The following STK33 variants were observed in gnomAD, a reference collection of about 807,000 sequenced individuals.
STK33 encodes serine/threonine-protein kinase 33.
Under a neutral mutation model 58.0 loss-of-function variants are expected in STK33, and 52 were observed. That is an observed-to-expected ratio of 0.90 (90% CI 0.72 to 1.13). STK33 has a LOEUF of 1.13. STK33 is among the 50% of genes most tolerant of loss of function. The pLI is 0.00. For synonymous variants in STK33, 215 were observed against 200.1 expected, an observed-to-expected ratio of 1.07 and a Z score of -0.63; for missense variants, 630 against 604.2, an observed-to-expected ratio of 1.04 and a Z score of -0.45.
At chr11:8,501,859 A>G (rs1451043292) in intron 1 of STK33, among the ~76,000 whole-genome samples, 1 of 152,188 alleles carries the variant, frequency 6.6e-6, no homozygotes, top group Non-Finnish European at 1.5e-5. Context: ...ACAATAGAGT[A>G]TTATTTGGCC....
At chr11:8,371,601 T>C in the STK33 span, among the ~76,000 whole-genome samples, 5 of 151,244 alleles carry the variant, frequency 3.3e-5, no homozygotes, top group Non-Finnish European at 7.4e-5. Flanking sequence ...GACTTTTCCT[T>C]TCTCTTTCTT....
At chr11:8,447,607 C>T (rs1253515564) in intron 11 of STK33, among the ~76,000 whole-genome samples, 1 of 152,156 alleles carries the variant, frequency 6.6e-6, no homozygotes, top group East Asian at 1.9e-4. Context: ...TAAAAACTCT[C>T]AATAAATTAG....
At chr11:8,533,082 G>A (rs1383667685) in intron 1 of STK33, among the ~76,000 whole-genome samples, 1 of 152,176 alleles carries the variant, frequency 6.6e-6, no homozygotes, top group Non-Finnish European at 1.5e-5. Context: ...TGTTTCAAAT[G>A]CTATAAACCA....
intron 6 of STK33, among the ~76,000 whole-genome samples, chr11:8,468,526 A>AT (rs1438722964): frequency 6.6e-6 from 1 of 152,056 alleles, no homozygotes; most frequent in East Asian, 1.9e-4. Flanking sequence ...CTGTTCTGTT[A>AT]TTTTTACTCC....
chr11:8,447,039 G>T (rs1182601479), intron 11 of STK33, among the ~76,000 whole-genome samples: 1 of 152,156 alleles, frequency 6.6e-6, no homozygotes, highest in East Asian at 1.9e-4. Context: ...GCAACCTAGA[G>T]AATGGGAGAA....
chr11:8,431,798 C>T (rs1187247444), intron 14 of STK33, among the ~76,000 whole-genome samples: 5 of 152,146 alleles, frequency 3.3e-5, no homozygotes, highest in African/African-American at 7.2e-5. Context: ...AGTCCACTCA[C>T]GATTTTCTTT....
chr11:8,388,875 C>G (rs1317669176), downstream of STK33, among the ~76,000 whole-genome samples: 3 of 152,232 alleles, frequency 2.0e-5, no homozygotes, highest in Non-Finnish European at 2.9e-5. Flanking sequence ...TCAGGAACAT[C>G]TCCCCACCAG....
intron 1 of STK33, among the ~76,000 whole-genome samples, chr11:8,498,244 A>C (rs1951213990): frequency 6.6e-6 from 1 of 152,176 alleles, no homozygotes. Flanking sequence ...GAACTTCCTC[A>C]AACTGATAAA....
chr11:8,377,963 C>T, the STK33 span, among the ~76,000 whole-genome samples: 1 of 152,146 alleles, frequency 6.6e-6, no homozygotes, highest in South Asian at 2.1e-4. Context: ...GTGACACAAA[C>T]AACTAGAAAC....
chr11:8,369,434 A>C, the STK33 span, among the ~76,000 whole-genome samples: 1 of 150,748 alleles, frequency 6.6e-6, no homozygotes, highest in Non-Finnish European at 1.5e-5. Context: ...CAGATCTAAG[A>C]GTGGGGACAG....
chr11:8,575,284 C>A (rs1258426208), intron 1 of STK33, among the ~76,000 whole-genome samples: 1 of 152,180 alleles, frequency 6.6e-6, no homozygotes, highest in African/African-American at 2.4e-5. Context: ...GGGCCTCAAA[C>A]AGATACCTGT....
At chr11:8,438,615 A>C (rs936638543) in intron 12 of STK33, among the ~76,000 whole-genome samples, 22 of 152,178 alleles carry the variant, frequency 1.4e-4, no homozygotes, top group African/African-American at 5.3e-4. Context: ...TCACACTCTG[A>C]AGCAGAAAAA....
intron 1 of STK33, among the ~76,000 whole-genome samples, chr11:8,493,383 C>G (rs1950792832): frequency 1.3e-5 from 2 of 152,024 alleles, no homozygotes; most frequent in Admixed American, 1.3e-4. Context: ...TACACCCTCC[C>G]AAGACTAAAC....
intron 1 of STK33, among the ~76,000 whole-genome samples, chr11:8,514,821 T>C (rs1479947507): frequency 6.6e-6 from 1 of 152,214 alleles, no homozygotes; most frequent in East Asian, 1.9e-4. Flanking sequence ...AACAGCCACA[T>C]GACTAGACAA....
chr11:8,339,154 T>A, the STK33 span, among the ~76,000 whole-genome samples: 2 of 152,194 alleles, frequency 1.3e-5, no homozygotes, highest in African/African-American at 2.4e-5. Flanking sequence ...ACAAAAAAAA[T>A]TCCTCAAAAT....
In STK33 at chr11:8,564,514, A is replaced by G. The variant is rs74854332; in HGVS notation, c.-466+29569T>C. On this transcript the variant is annotated intron_variant, in intron 1 of 15. Coordinates refer to ENST00000687296, the MANE Select transcript of STK33 (RefSeq NM_001352389.2). ...TTTCACCCAAGAGATAAAAAGATAT[A>G]GAAAGAGAACTTTCCATTTGCTTGC... Among the ~76,000 whole-genome samples the G allele has an allele frequency of 4.1e-3, 619 of 152,316 alleles. 3 individuals are homozygous for G. Among genetic ancestry groups the G allele is most frequent in the African/African-American group, 0.014 (601 of 41,582 alleles).
chr11:8,445,428 T>C (rs1272842615), intron 11 of STK33, among the ~76,000 whole-genome samples: 2 of 152,150 alleles, frequency 1.3e-5, no homozygotes, highest in Non-Finnish European at 2.9e-5. Context: ...TGAATAGGAG[T>C]GGTGAGAGAG....
chr11:8,388,372 A>T (rs1325859038), downstream of STK33, among the ~76,000 whole-genome samples: 1 of 152,258 alleles, frequency 6.6e-6, no homozygotes, highest in Non-Finnish European at 1.5e-5. Flanking sequence ...AATGCAAGAC[A>T]GCCGCAGATG....
intron 1 of STK33, among the ~76,000 whole-genome samples, chr11:8,575,461 T>C (rs1230942696): frequency 6.6e-6 from 1 of 152,148 alleles, no homozygotes; most frequent in African/African-American, 2.4e-5. Context: ...GGATGAACCA[T>C]GAAAACACTA....
Sources: gnomAD v4.1 joint callset for allele counts (sites outside exome capture counted in the v4.1 genomes callset) on GRCh38, gnomAD v4.1.1 for gene constraint, MANE v1.5 for transcripts, NCBI Gene and HGNC (gene_info 2026-07-23, HGNC 2026-07-21) for gene names.